TREML1: variants seen among roughly 807,000 people sequenced by gnomAD.
TREML1 encodes the protein triggering receptor expressed on myeloid cells like 1, also known as trem-like transcript 1 protein.
In TREML1, 27 loss-of-function variants were observed where a neutral mutation model predicts 22.8. The ratio of observed to expected loss-of-function variants is 1.19; its 90% confidence interval spans 0.87 to 1.64. The LOEUF is 1.64. TREML1 is among the 40% of genes most tolerant of loss of function. The pLI is 0.00. For synonymous variants in TREML1, 153 were observed against 161.9 expected, an observed-to-expected ratio of 0.94 and a Z score of 0.42; for missense variants, 356 against 382.0, an observed-to-expected ratio of 0.93 and a Z score of 0.57.
Position 41,154,245 on chromosome 6 carries a change from C to A in TREML1, c.43+1G>T. 1 of 1,613,952 alleles carries A rather than the reference C, an allele frequency of 6.2e-7. No individual in the cohort carries two copies. The highest frequency in any genetic ancestry group is 8.5e-7 in the Non-Finnish European group (1 of 1,179,900). The stretch of plus-strand genomic sequence containing the variant: ...GAGCTGCAGCTCCTCCTGAACCTTA[C>A]CTTCTAGTCCCAGGAGCAGCAGCAA... On this transcript the variant is annotated splice_donor_variant, in intron 1 of 5. Transcript: ENST00000426005. LOFTEE classifies it high-confidence loss of function.
chr6:41,153,935 C>CAA lies in TREML1; in HGVS notation c.198_199insTT (p.Val67LeufsTer55). The stretch of plus-strand genomic sequence containing the variant: ...CTGCCCGCTGGAGCTCTGCGATCCA[C>CAA]AGCTGAGGACACCAGGGGCTGGCAC... On this transcript the variant is annotated frameshift_variant, in exon 2 of 6. Coordinates refer to ENST00000426005, the MANE Select transcript of TREML1 (RefSeq NM_178174.4). LOFTEE classifies it high-confidence loss of function. The CAA allele has an allele frequency of 6.2e-7, 1 of 1,614,238 alleles. No homozygotes were observed. Among genetic ancestry groups the CAA allele is most frequent in the Non-Finnish European group, 8.5e-7 (1 of 1,180,040 alleles).
chr6:41,149,960 C>T (rs750301643), intron 5 of TREML1, 42 bp from the exon 6 acceptor site: 8 of 1,578,288 alleles, frequency 5.1e-6, no homozygotes, highest in Non-Finnish European at 6.9e-6. Context: ...TCCCTCTGCC[C>T]CAGAACTCCC....
chr6:41,153,083 A>G (rs920313953), intron 2 of TREML1, among the ~76,000 whole-genome samples: 1 of 151,812 alleles, frequency 6.6e-6, no homozygotes, highest in Non-Finnish European at 1.5e-5. Flanking sequence ...CAAGTTTTTA[A>G]TATTTTAAAA....
At chr6:41,150,409 A>G (rs1382062768) in intron 4 of TREML1, 96 bp from the exon 5 acceptor site, 2 of 1,131,082 alleles carry the variant, frequency 1.8e-6, no homozygotes, top group South Asian at 1.4e-5. Context: ...AAACCTCTTC[A>G]CTACTGCAGA....
intron 5 of TREML1, 21 bp from the exon 6 acceptor site, chr6:41,149,939 T>A (rs765836195): frequency 6.2e-7 from 1 of 1,603,708 alleles, no homozygotes; most frequent in South Asian, 1.1e-5. Flanking sequence ...AGCAGGCAAG[T>A]CAGGAATGCC....
intron 2 of TREML1, 48 bp downstream of exon 2, chr6:41,153,710 G>A: frequency 6.6e-7 from 1 of 1,523,612 alleles, no homozygotes; most frequent in Non-Finnish European, 8.9e-7. Flanking sequence ...ATAGGCGGGG[G>A]TGGGGAGGGT....
At position 41,151,208 on chromosome 6, in the gene TREML1, T is replaced by C. The variant is rs1036377780; in HGVS notation, c.479+74A>G. ...TCATAGGTTTTCCCCTTCGATTTAGTTTGGAGCTCTAAACAAGTCATTGTC... is the reference window on the plus strand; with the variant it reads ...TCATAGGTTTTCCCCTTCGATTTAGCTTGGAGCTCTAAACAAGTCATTGTC... On this transcript the variant is annotated intron_variant, in intron 3 of 5. Coordinates refer to ENST00000426005, the MANE Select transcript of TREML1 (RefSeq NM_178174.4). The C allele has an allele frequency of 2.3e-6, 3 of 1,325,080 alleles. No individual in the cohort carries two copies. In the African/African-American group the frequency reaches 4.3e-5, roughly 19 times the overall value. The allele number at this position is 1,325,080 out of a possible 1,614,324, so 82.1% of individuals were successfully genotyped here.
Position 41,154,249 on chromosome 6 carries a change from C to G in TREML1, c.40G>C (p.Glu14Gln). The G allele has an allele frequency of 6.2e-7, 1 of 1,614,044 alleles. No individual in the cohort carries two copies. Among genetic ancestry groups the G allele is most frequent in the Non-Finnish European group, 8.5e-7 (1 of 1,179,956 alleles). The change falls in exon 1 of 6, where the codon GAA becomes CAA. Residue 14 changes from glutamate (E) to glutamine (Q), a missense_variant. Transcript: ENST00000426005. ...TGCAGCTCCTCCTGAACCTTACCTT[C>G]TAGTCCCAGGAGCAGCAGCAAGAGC... ...TLLLLLLLGL[E>Q]GQGIVGSLPE...
intron 4 of TREML1, among the ~76,000 whole-genome samples, chr6:41,150,530 C>T (rs1012225267): frequency 2.3e-4 from 35 of 152,128 alleles, no homozygotes; most frequent in South Asian, 1.9e-3. Flanking sequence ...CCCACCTCAG[C>T]GCTCAGCCTA....
upstream of TREML1, among the ~76,000 whole-genome samples, chr6:41,154,591 G>T (rs1208570523): frequency 1.3e-5 from 2 of 152,192 alleles, no homozygotes; most frequent in Non-Finnish European, 2.9e-5. Context: ...GGACAGGAGA[G>T]GAAGAGGAAA....
chr6:41,155,127 A>T (rs975487147), upstream of TREML1, among the ~76,000 whole-genome samples: 3 of 151,994 alleles, frequency 2.0e-5, no homozygotes, highest in African/African-American at 4.8e-5. Flanking sequence ...GATATTCCTT[A>T]TTCTTTGAGC....
At chr6:41,153,166 T>C (rs747731010) in intron 2 of TREML1, among the ~76,000 whole-genome samples, 2 of 151,418 alleles carry the variant, frequency 1.3e-5, no homozygotes, top group African/African-American at 2.4e-5. Context: ...AAACAGTGTC[T>C]TTAATACTGA....
At chr6:41,155,179 C>CT (rs571323329), upstream of TREML1, among the ~76,000 whole-genome samples, 97 of 152,258 alleles carry the variant, frequency 6.4e-4, 1 homozygote, top group African/African-American at 1.9e-3. Flanking sequence ...CATGAATGCT[C>CT]TATCTTCTCT....
chr6:41,151,747 G>C, intron 2 of TREML1: 1 of 226,774 alleles, frequency 4.4e-6, no homozygotes, highest in Non-Finnish European at 9.0e-6. Flanking sequence ...TGGATGATCT[G>C]TACCCACCTC....
intron 4 of TREML1, 36 bp downstream of exon 4, chr6:41,150,783 G>A: frequency 1.9e-6 from 3 of 1,584,474 alleles, no homozygotes; most frequent in Non-Finnish European, 2.6e-6. Flanking sequence ...TACTGGAATG[G>A]TAGGGCCAGG....
chr6:41,154,994 A>G (rs1329875835), upstream of TREML1, among the ~76,000 whole-genome samples: 13 of 151,616 alleles, frequency 8.6e-5, no homozygotes, highest in Non-Finnish European at 1.9e-4. Context: ...TATCTTTTCT[A>G]TCTCATTTTC....
chr6:41,153,187 A>G (rs1765315214), intron 2 of TREML1, among the ~76,000 whole-genome samples: 1 of 151,158 alleles, frequency 6.6e-6, no homozygotes, highest in African/African-American at 2.4e-5. Context: ...AAATAGGGTC[A>G]AGAATATTGG....
Position 41,154,067 on chromosome 6 carries a change from G to A in TREML1, c.67C>T (p.Pro23Ser). ...CCCACGGGTGCCTGCAGCACCTCAG[G>A]GAGGCTGCCAACTATGCCCTGACCT... ...LEGQGIVGSLPEVLQAPVGSS... is the reference protein window; with the variant it reads ...LEGQGIVGSLSEVLQAPVGSS... The change falls in exon 2 of 6, where the codon CCT becomes TCT. Residue 23 changes from proline (P) to serine (S), a missense_variant. Physicochemically the swap from Pro to Ser is moderately conservative, Grantham distance 74. Coordinates refer to ENST00000426005, the MANE Select transcript of TREML1 (RefSeq NM_178174.4). 1.2e-6 allele frequency: 2 copies of A among 1,613,402 alleles called. No homozygotes were observed. The highest frequency in any genetic ancestry group is 1.7e-6 in the Non-Finnish European group (2 of 1,179,744).
chr6:41,150,287 A>C lies in TREML1; in HGVS notation c.595T>G (p.Phe199Val). ...QGNRLGVCGR[F>V]LSSRVSGMNP... The stretch of plus-strand genomic sequence containing the variant: ...ATGCCTGAAACTCTGCTGCTCAGGA[A>C]TCGGCCACAGACACCAAGCCTGTTC... The change falls in exon 5 of 6, where the codon TTC becomes GTC. Residue 199 changes from phenylalanine to valine, a missense_variant. Phe to Val is a conservative substitution (Grantham distance 50). Coordinates refer to ENST00000426005, the MANE Select transcript of TREML1 (RefSeq NM_178174.4). 6.2e-7 allele frequency: 1 copy of C among 1,614,046 alleles called. No individual in the cohort carries two copies. The highest frequency in any genetic ancestry group is 1.1e-5 in the South Asian group (1 of 91,060).
Sources: gnomAD v4.1 joint callset for allele counts (sites outside exome capture counted in the v4.1 genomes callset) on GRCh38, gnomAD v4.1.1 for gene constraint, MANE v1.5 for transcripts, NCBI Gene and HGNC (gene_info 2026-07-23, HGNC 2026-07-21) for gene names.